The following GRIA4 variants were observed in gnomAD, a reference collection of about 807,000 sequenced individuals.
The protein encoded by GRIA4 is glutamate ionotropic receptor AMPA type subunit 4, also known as glutamate receptor 4.
A neutral mutation model predicts 104.0 loss-of-function variants in GRIA4; 34 were observed. The ratio of observed to expected loss-of-function variants is 0.33; its 90% CI spans 0.25 to 0.44. The LOEUF (loss-of-function observed/expected upper bound fraction) is 0.44. Among genes scored for constraint, GRIA4 ranks in the 20% least tolerant of loss-of-function variants. GRIA4 has a pLI of 1.00. For missense variants in GRIA4, 750 were observed against 1,096.5 expected (o/e 0.68, Z 4.46); for synonymous variants, 386 against 381.9 (o/e 1.01, Z -0.13).
At chr11:105,938,852 C>T (rs900018977) in intron 14 of GRIA4, among the ~76,000 whole-genome samples, 1 of 152,062 alleles carries the variant, frequency 6.6e-6, no homozygotes, top group South Asian at 2.1e-4. Context: ...CCACTTGTGT[C>T]CCAGGGAAAA....
intron 3 of GRIA4, among the ~76,000 whole-genome samples, chr11:105,651,900 C>T (rs751618318): frequency 1.2e-4 from 18 of 152,058 alleles, no homozygotes; most frequent in Non-Finnish European, 2.6e-4. Context: ...TTAAGTATTG[C>T]TGATGAAACA....
chr11:105,737,419 G>T (rs1939021878), intron 3 of GRIA4, among the ~76,000 whole-genome samples: 1 of 151,890 alleles, frequency 6.6e-6, no homozygotes, highest in Admixed American at 6.6e-5. Context: ...TCTAGCCATG[G>T]TTAGCTGTAA....
At chr11:105,855,670 G>T (rs1208378175) in intron 4 of GRIA4, among the ~76,000 whole-genome samples, 1 of 152,034 alleles carries the variant, frequency 6.6e-6, no homozygotes, top group Non-Finnish European at 1.5e-5. Flanking sequence ...TGCCTTTATT[G>T]TAAAAAGATG....
chr11:105,876,792 T>C (rs891482815), intron 5 of GRIA4, among the ~76,000 whole-genome samples: 2 of 152,198 alleles, frequency 1.3e-5, no homozygotes, highest in Admixed American at 6.5e-5. Flanking sequence ...TCTCTTTATT[T>C]TGAGCTTATA....
In GRIA4 at chr11:105,654,590, A is replaced by G. The variant is rs556598365; in HGVS notation, c.247+42156A>G. 5.0e-3 allele frequency among the ~76,000 whole-genome samples: 757 copies of G among 152,238 alleles called. 5 individuals carry two copies. Among genetic ancestry groups the G allele is most frequent in the Non-Finnish European group, 5.9e-3 (398 of 68,006 alleles). Reference sequence around the variant, plus strand: ...TTTTTGGGTGGGATTGACAGTAAAAAGAAGAGAAAATGATTACTGTGTCAA... The same window carrying G: ...TTTTTGGGTGGGATTGACAGTAAAAGGAAGAGAAAATGATTACTGTGTCAA... On this transcript the variant is annotated intron_variant, in intron 3 of 16. Transcript: ENST00000282499.
At chr11:105,883,897 T>C (rs945788527) in intron 5 of GRIA4, among the ~76,000 whole-genome samples, 4 of 152,224 alleles carry the variant, frequency 2.6e-5, no homozygotes, top group South Asian at 4.1e-4. Context: ...CCACCAACAG[T>C]GTAAAAGTGT....
chr11:105,631,257 C>A (rs1337383885), intron 3 of GRIA4, among the ~76,000 whole-genome samples: 1 of 152,104 alleles, frequency 6.6e-6, no homozygotes, highest in African/African-American at 2.4e-5. Context: ...CCCGCTGGGG[C>A]TAGTGCATGT....
In GRIA4 at chr11:105,895,042, A is replaced by G. The variant is rs937006166; in HGVS notation, c.727-3227A>G. On this transcript the variant is annotated intron_variant, in intron 6 of 16. Transcript: ENST00000282499. Reference sequence around the variant, plus strand: ...TCTCGATCTCCTGACCTCATGATCCACCCGCCTCGGCCTCCCAAAGTGCTG... The same window carrying G: ...TCTCGATCTCCTGACCTCATGATCCGCCCGCCTCGGCCTCCCAAAGTGCTG... Among the ~76,000 whole-genome samples the G allele has an allele frequency of 6.0e-5, 6 of 99,700 alleles. 3 individuals are homozygous for G. Among genetic ancestry groups the G allele is most frequent in the Non-Finnish European group, 1.3e-4 (6 of 46,588 alleles). 65.4% of individuals were successfully genotyped at this position (99,700 alleles called of 152,430 possible).
At chr11:105,930,912 C>G (rs1270890669) in intron 13 of GRIA4, among the ~76,000 whole-genome samples, 1 of 151,992 alleles carries the variant, frequency 6.6e-6, no homozygotes, top group East Asian at 1.9e-4. Context: ...TTGGGTGAAA[C>G]TCTCAAGTCA....
At chr11:105,889,659 T>A (rs1171054142) in intron 6 of GRIA4, among the ~76,000 whole-genome samples, 2 of 152,120 alleles carry the variant, frequency 1.3e-5, no homozygotes, top group Admixed American at 6.5e-5. Flanking sequence ...GATAAGAGTG[T>A]CCTCTCTCAC....
At chr11:105,614,345 T>C (rs1040998409) in intron 3 of GRIA4, 6 of 151,896 alleles carry the variant, frequency 4.0e-5, no homozygotes, top group Non-Finnish European at 5.9e-5. Flanking sequence ...TCCTCCTTTT[T>C]GTTTGTTAAC....
At chr11:105,635,535 G>A (rs549925962) in intron 3 of GRIA4, among the ~76,000 whole-genome samples, 10 of 152,276 alleles carry the variant, frequency 6.6e-5, no homozygotes, top group South Asian at 2.1e-4. Context: ...GAAATACTCC[G>A]AAGGACATTT....
At chr11:105,943,459 T>C (rs186080314) in intron 14 of GRIA4, among the ~76,000 whole-genome samples, 1 of 152,256 alleles carries the variant, frequency 6.6e-6, no homozygotes, top group East Asian at 1.9e-4. Flanking sequence ...CATATCTAGG[T>C]ATGATTTTAA....
chr11:105,736,951 G>T (rs1013158580), intron 3 of GRIA4, among the ~76,000 whole-genome samples: 1 of 151,978 alleles, frequency 6.6e-6, no homozygotes, highest in East Asian at 1.9e-4. Context: ...AAACACACAC[G>T]CAGAAGCAGT....
chr11:105,772,812 T>C (rs937146942), intron 4 of GRIA4, among the ~76,000 whole-genome samples: 1 of 152,152 alleles, frequency 6.6e-6, no homozygotes, highest in East Asian at 1.9e-4. Context: ...GTTAAAATTA[T>C]TTCCAAATAA....
At chr11:105,828,007 A>G (rs1236177123) in intron 4 of GRIA4, among the ~76,000 whole-genome samples, 2 of 152,006 alleles carry the variant, frequency 1.3e-5, no homozygotes, top group East Asian at 3.9e-4. Context: ...TTAAGATACT[A>G]TCAGTGGGAA....
rs113121905 is a variant in GRIA4 at position 105,849,542 on chromosome 11, C to T, written c.488-12482C>T. On this transcript the variant is annotated intron_variant, in intron 4 of 16. Coordinates refer to ENST00000282499, the MANE Select transcript of GRIA4 (RefSeq NM_000829.4). ...ATTGGAGTGGTCAATTTGGCAATGA[C>T]GCTGAACTACCTATTTAAACAGATT... 5.5e-3 allele frequency among the ~76,000 whole-genome samples: 840 copies of T among 152,280 alleles called. 14 individuals carry two copies. The highest frequency in any genetic ancestry group is 0.019 in the African/African-American group (786 of 41,572).
chr11:105,676,262 TTTCCAG>T (rs1253087749), intron 3 of GRIA4, among the ~76,000 whole-genome samples: 1 of 151,666 alleles, frequency 6.6e-6, no homozygotes, highest in South Asian at 2.1e-4. Flanking sequence ...GTATGAATAT[TTTCCAG>T]GAACCAGCAG....
At chr11:105,894,381 T>C (rs145805736) in intron 6 of GRIA4, among the ~76,000 whole-genome samples, 180 of 152,272 alleles carry the variant, frequency 1.2e-3, no homozygotes, top group East Asian at 9.9e-3. Context: ...TGTTTTCATA[T>C]ATTTAGGATA....
Sources: gnomAD v4.1 joint callset for allele counts (sites outside exome capture counted in the v4.1 genomes callset) on GRCh38, gnomAD v4.1.1 for gene constraint, MANE v1.5 for transcripts, NCBI Gene and HGNC (gene_info 2026-07-23, HGNC 2026-07-21) for gene names.